The following ADK variants were observed in gnomAD, a reference collection of about 807,000 sequenced individuals.
The protein encoded by ADK is adenosine kinase, also known as N6,N6-dimethyladenosine kinase.
A neutral mutation model predicts 44.7 loss-of-function variants in ADK; 24 were observed. The observed-to-expected ratio is 0.54, with a 90% CI of 0.39 to 0.76. The LOEUF (loss-of-function observed/expected upper bound fraction) is 0.76. ADK is among the 30% of genes least tolerant of loss of function. The pLI is 0.00. For synonymous variants in ADK, 128 were observed against 142.6 expected, an observed-to-expected ratio of 0.90 and a Z score of 0.73; for missense variants, 321 against 425.1, an observed-to-expected ratio of 0.76 and a Z score of 2.15.
chr10:74,502,644 A>G (rs1646952154), intron 6 of ADK, among the ~76,000 whole-genome samples: 1 of 152,172 alleles, frequency 6.6e-6, no homozygotes, highest in Non-Finnish European at 1.5e-5. Flanking sequence ...AAATTATATA[A>G]ATGACCTTGT....
chr10:74,451,045 A>G (rs1200682798), intron 6 of ADK, among the ~76,000 whole-genome samples: 2 of 135,432 alleles, frequency 1.5e-5, no homozygotes, highest in South Asian at 2.4e-4. Flanking sequence ...TTTAAAATTT[A>G]TAAAAATTGT....
At chr10:74,585,543 G>T (rs1341732424) in intron 7 of ADK, among the ~76,000 whole-genome samples, 1 of 152,124 alleles carries the variant, frequency 6.6e-6, no homozygotes, top group Non-Finnish European at 1.5e-5. Flanking sequence ...TGCTTTTGTT[G>T]CTTGTCATGC....
chr10:74,610,651 A>G (rs1025924461), intron 9 of ADK, among the ~76,000 whole-genome samples: 1 of 152,186 alleles, frequency 6.6e-6, no homozygotes, highest in Middle Eastern at 3.2e-3. Flanking sequence ...GGGTGAAGGC[A>G]GAAAAGATGA....
rs371936555 is a variant in ADK, at chr10:74,184,611, A to C, written c.66-16153A>C. 2.3e-4 allele frequency among the ~76,000 whole-genome samples: 35 copies of C among 150,920 alleles called. 1 individual carries two copies. The highest frequency in any genetic ancestry group is 6.8e-3 in the Middle Eastern group (2 of 292). On this transcript the variant is annotated intron_variant, in intron 1 of 10. Transcript: ENST00000539909. ...GCTGGTCTTGAACCTCCTGGCCTCA[A>C]ACTCTTGGTCAAGTGATCCTCCCGC...
At chr10:74,544,539 A>G (rs566544449) in intron 7 of ADK, among the ~76,000 whole-genome samples, 106 of 152,308 alleles carry the variant, frequency 7.0e-4, no homozygotes, top group African/African-American at 2.5e-3. Context: ...GATATAATCA[A>G]TTATAAATGA....
At chr10:74,450,121 A>AAAAT (rs1845721862) in intron 6 of ADK, among the ~76,000 whole-genome samples, 1 of 152,196 alleles carries the variant, frequency 6.6e-6, no homozygotes, top group South Asian at 2.1e-4. Flanking sequence ...CCTGGGCAAC[A>AAAAT]TAGCGAAAAA....
At chr10:74,698,948 G>A (rs1371294970) in intron 10 of ADK, among the ~76,000 whole-genome samples, 3 of 151,254 alleles carry the variant, frequency 2.0e-5, no homozygotes, top group Non-Finnish European at 4.4e-5. Flanking sequence ...CCCACCTCAA[G>A]CAGTCCTTCC....
chr10:74,365,011 A>G (rs1842456360), intron 4 of ADK, among the ~76,000 whole-genome samples: 1 of 152,146 alleles, frequency 6.6e-6, no homozygotes, highest in African/African-American at 2.4e-5. Flanking sequence ...AGCTACTGAA[A>G]ACCCTACTAA....
At chr10:74,364,397 C>G (rs1842434167) in intron 4 of ADK, among the ~76,000 whole-genome samples, 1 of 152,184 alleles carries the variant, frequency 6.6e-6, no homozygotes, top group African/African-American at 2.4e-5. Context: ...TTCAGCTGCT[C>G]TCACCACGTT....
intron 6 of ADK, among the ~76,000 whole-genome samples, chr10:74,491,746 G>A (rs1462725566): frequency 1.3e-5 from 2 of 152,136 alleles, no homozygotes; most frequent in African/African-American, 4.8e-5. Flanking sequence ...TAACTAAGTA[G>A]ATAAGTGGGA....
chr10:74,454,910 G>A (rs545264241), intron 6 of ADK, among the ~76,000 whole-genome samples: 1 of 152,226 alleles, frequency 6.6e-6, no homozygotes, highest in Admixed American at 6.5e-5. Flanking sequence ...TCACATAAGG[G>A]TCTTGTGACC....
intron 4 of ADK, among the ~76,000 whole-genome samples, chr10:74,385,554 A>G (rs1170223698): frequency 2.0e-5 from 3 of 152,234 alleles, no homozygotes; most frequent in Non-Finnish European, 4.4e-5. Context: ...ATTAATTACA[A>G]TAATGTCCAA....
chr10:74,200,536 A>T (rs531821423), intron 1 of ADK, among the ~76,000 whole-genome samples: 1 of 150,960 alleles, frequency 6.6e-6, no homozygotes, highest in Admixed American at 6.6e-5. Flanking sequence ...ATGGTGTCTC[A>T]TTGTAGTTTT....
At chr10:74,662,551 G>A (rs570230051) in intron 9 of ADK, among the ~76,000 whole-genome samples, 1 of 152,204 alleles carries the variant, frequency 6.6e-6, no homozygotes, top group South Asian at 2.1e-4. Context: ...AAAGTGCTGG[G>A]ATTATAGACA....
At chr10:74,263,602 G>T (rs7919277) in intron 3 of ADK, among the ~76,000 whole-genome samples, 2,881 of 152,116 alleles carry the variant, frequency 0.019, 93 homozygotes, top group African/African-American at 0.066. Context: ...TACATCTGGG[G>T]TTCTCTGTAT....
intron 3 of ADK, among the ~76,000 whole-genome samples, chr10:74,302,109 GT>G (rs1172807289): frequency 6.1e-4 from 8 of 13,036 alleles, no homozygotes; most frequent in East Asian, 5.4e-3. Context: ...TTGTTTGTTT[GT>G]TTTTTTTTTT....
chr10:74,341,624 T>C (rs1025278703), intron 4 of ADK, among the ~76,000 whole-genome samples: 1 of 152,178 alleles, frequency 6.6e-6, no homozygotes, highest in Non-Finnish European at 1.5e-5. Context: ...TCTTCAAAGA[T>C]TTCTAGTATA....
intron 9 of ADK, among the ~76,000 whole-genome samples, chr10:74,629,373 T>C (rs1853332377): frequency 6.6e-6 from 1 of 152,136 alleles, no homozygotes; most frequent in Non-Finnish European, 1.5e-5. Context: ...ACCCCAACTG[T>C]ATAAGTAAGT....
chr10:74,179,025 G>A (rs1056434175), intron 1 of ADK, among the ~76,000 whole-genome samples: 16 of 152,192 alleles, frequency 1.1e-4, no homozygotes, highest in African/African-American at 3.6e-4. Flanking sequence ...AGTATCATGA[G>A]AGACAACTAT....
Sources: allele counts gnomAD v4.1 joint callset (sites outside exome capture counted in the v4.1 genomes callset), GRCh38; gene constraint gnomAD v4.1.1; transcripts MANE v1.5; gene names NCBI Gene and HGNC (gene_info 2026-07-23, HGNC 2026-07-21).